The following FCER2 variants were observed in gnomAD, a reference collection of about 807,000 sequenced individuals.
FCER2 encodes low affinity immunoglobulin epsilon Fc receptor.
A neutral mutation model predicts 49.7 loss-of-function variants in FCER2; 38 were observed. That is an observed-to-expected ratio of 0.76 (90% CI 0.59 to 1.00). FCER2 has a LOEUF of 1.00. FCER2 is among the 50% of genes least tolerant of loss of function. The probability of loss-of-function intolerance (pLI) is 0.00; values close to 1 mark genes in which losing one functional copy is unlikely to be tolerated. For missense variants in FCER2, 425 were observed against 419.5 expected (o/e 1.01, Z -0.11); for synonymous variants, 163 against 164.6 (o/e 0.99, Z 0.07).
Position 7,696,898 on chromosome 19 carries a change from G to A in FCER2, c.396C>T (p.Asn132=), listed in dbSNP as rs780944986. 15 of 1,582,866 alleles carry A rather than the reference G, an allele frequency of 9.5e-6. No individual in the cohort carries two copies. The South Asian group carries it at 1.0e-4, about 11-fold the overall frequency. The change falls in exon 8 of 11, where the codon AAC becomes AAT. Residue 132 remains asparagine (N), a synonymous_variant. Transcript: ENST00000597921. ...SFKSQELNER[N]EASDLLERLR... is the part of the protein sequence containing the mutation. ...GTCTTTCCAGCAAATCTGAAGCTTC[G>A]TTCCTCTCGTTCAATTCTTGGGGAG...
intron 8 of FCER2, among the ~76,000 whole-genome samples, chr19:7,693,774 A>T (rs2032943920): frequency 6.6e-6 from 1 of 151,808 alleles, no homozygotes; most frequent in East Asian, 2.0e-4. Context: ...TTAGCCTCCC[A>T]AGTAGCTGGG....
Position 7,698,733 on chromosome 19 carries a change from G to A in FCER2, c.136+8C>T. On this transcript the variant is annotated splice_region_variant and intron_variant, in intron 3 of 10. Transcript: ENST00000597921. Reference sequence around the variant, plus strand: ...GGGGGGACCACATGGAGCTGGGGGTGTCCTCACGCCACAGGAGAAGCAGAG... The same window carrying A: ...GGGGGGACCACATGGAGCTGGGGGTATCCTCACGCCACAGGAGAAGCAGAG... 1 of 1,611,114 alleles carries A rather than the reference G, an allele frequency of 6.2e-7. No homozygotes were observed. Among genetic ancestry groups the A allele is most frequent in the Non-Finnish European group, 8.5e-7 (1 of 1,179,016 alleles).
chr19:7,690,234 C>A lies in FCER2; in HGVS notation c.653G>T (p.Gly218Val). ...DFLTKHASHT[G>V]SWIGLRNLDL... ...CAAGTTCCGAAGGCCAATCCAGGAG[C>A]CGGTGTGGCTGGCATGCTTGGTCAG... is the stretch of plus-strand genomic sequence containing the variant. The change falls in exon 10 of 11, where the codon GGC (glycine) becomes GTC (valine). Residue 218 changes from glycine (G) to valine (V), a missense_variant. Physicochemically the swap from Gly to Val is moderately radical, Grantham distance 109 (BLOSUM62 -3). Transcript: ENST00000597921. The A allele has an allele frequency of 1.9e-6, 3 of 1,614,020 alleles. No individual in the cohort carries two copies. Among genetic ancestry groups the A allele is most frequent in the Non-Finnish European group, 2.5e-6 (3 of 1,179,908 alleles).
chr19:7,698,656 C>T (rs1364487222), intron 3 of FCER2, 85 bp downstream of exon 3: 2 of 1,543,624 alleles, frequency 1.3e-6, no homozygotes, highest in Non-Finnish European at 1.7e-6. Context: ...GTTGGGCTCC[C>T]CCAGCTCTGA....
intron 8 of FCER2, among the ~76,000 whole-genome samples, chr19:7,693,963 T>G (rs1256212872): frequency 2.4e-5 from 2 of 83,198 alleles, no homozygotes; most frequent in Non-Finnish European, 4.8e-5. Flanking sequence ...ATTTTTTTTT[T>G]TTTTTTTTTA....
intron 8 of FCER2, among the ~76,000 whole-genome samples, chr19:7,694,759 A>G (rs369703585): frequency 6.6e-6 from 1 of 152,122 alleles, no homozygotes; most frequent in Non-Finnish European, 1.5e-5. Context: ...CCCAGAGGTC[A>G]AAGACCAAAA....
intron 8 of FCER2, among the ~76,000 whole-genome samples, chr19:7,696,401 A>G (rs2033012214): frequency 6.6e-6 from 1 of 151,962 alleles, no homozygotes; most frequent in South Asian, 2.1e-4. Flanking sequence ...GCGTCCAGCT[A>G]ATTTTTGTAT....
Position 7,698,429 on chromosome 19 carries a change from A to G in FCER2, c.137-20T>C, listed in dbSNP as rs781139282. On this transcript the variant is annotated intron_variant, in intron 3 of 10. Transcript: ENST00000597921. ...CCCAGTCTGGGGAGGGGGAGAGAAG[A>G]GGAGTGGAGAGGGGGGATTGTCAGT... 1 of 1,588,388 alleles carries G rather than the reference A, an allele frequency of 6.3e-7. No individual in the cohort carries two copies. The highest frequency in any genetic ancestry group is 1.3e-5 in the African/African-American group (1 of 74,304).
chr19:7,701,595 C>T (rs1385358398), intron 1 of FCER2, among the ~76,000 whole-genome samples: 7 of 151,950 alleles, frequency 4.6e-5, no homozygotes, highest in African/African-American at 1.7e-4. Context: ...ACCCGGGACC[C>T]TTGAGCTGGG....
chr19:7,701,037 T>C (rs1045857297), intron 1 of FCER2, among the ~76,000 whole-genome samples: 1 of 151,856 alleles, frequency 6.6e-6, no homozygotes, highest in Non-Finnish European at 1.5e-5. Context: ...CTCGAACTCC[T>C]GACCACAGGT....
intron 1 of FCER2, among the ~76,000 whole-genome samples, chr19:7,701,611 A>G (rs534630892): frequency 2.2e-4 from 33 of 152,050 alleles, no homozygotes; most frequent in African/African-American, 7.2e-4. Flanking sequence ...CTGGGAGCCC[A>G]TTTGCTCAAT....
chr19:7,692,158 G>C (rs113745907), intron 8 of FCER2, among the ~76,000 whole-genome samples: 3 of 83,796 alleles, frequency 3.6e-5, no homozygotes, highest in African/African-American at 1.3e-4. Context: ...AACACCATCA[G>C]CACGAATACA....
In FCER2 at chr19:7,689,077, A is replaced by G. The variant is rs2032780172; in HGVS notation, c.*116T>C. The G allele has an allele frequency of 1.4e-6, 1 of 709,954 alleles. No homozygotes were observed. 44.0% of individuals were successfully genotyped at this position (709,954 alleles called of 1,614,324 possible). A position where few individuals can be genotyped will look rare whatever the true frequency, so the allele number is the denominator to read the frequency against. On this transcript the variant is annotated 3_prime_UTR_variant, in exon 11 of 11. Coordinates refer to ENST00000597921, the MANE Select transcript of FCER2 (RefSeq NM_001220500.2). ...GCCATAGAGGAGCGGGAGATGTGTC[A>G]GCTGCCTCCGTTTGGGTGGCAGAAA...
At chr19:7,699,971 T>G in intron 1 of FCER2, 126 bp from the exon 2 acceptor site, 1 of 611,754 alleles carries the variant, frequency 1.6e-6, no homozygotes, top group Non-Finnish European at 2.9e-6. Context: ...CAATCTGGAC[T>G]CACTAGCGTG....
intron 8 of FCER2, 95 bp downstream of exon 8, chr19:7,696,730 G>T: frequency 1.2e-6 from 1 of 854,686 alleles, no homozygotes; most frequent in Non-Finnish European, 1.9e-6. Context: ...TAGACATGCT[G>T]CCTCACGTCA....
At chr19:7,691,593 C>A (rs1477599225) in intron 8 of FCER2, among the ~76,000 whole-genome samples, 2 of 151,176 alleles carry the variant, frequency 1.3e-5, no homozygotes, top group Non-Finnish European at 2.9e-5. Flanking sequence ...AGCACTTTCA[C>A]CACCCTCATC....
intron 2 of FCER2, chr19:7,699,378 C>G (rs2033102509): frequency 7.4e-7 from 1 of 1,352,330 alleles, no homozygotes; most frequent in Non-Finnish European, 9.7e-7. Context: ...TGCACTCACC[C>G]TGGCTTGGAG....
intron 8 of FCER2, among the ~76,000 whole-genome samples, chr19:7,694,946 C>T (rs2032974983): frequency 6.6e-6 from 1 of 152,102 alleles, no homozygotes; most frequent in South Asian, 2.1e-4. Context: ...GTGATCCTCC[C>T]ACCTCAGCCT....
chr19:7,690,110 C>T, intron 10 of FCER2, 49 bp downstream of exon 10: 1 of 1,196,066 alleles, frequency 8.4e-7, no homozygotes, highest in East Asian at 2.3e-5. Flanking sequence ...GCTCCTCCCT[C>T]CACGGTATTT....
Sources: gnomAD v4.1 joint callset for allele counts (sites outside exome capture counted in the v4.1 genomes callset) on GRCh38, gnomAD v4.1.1 for gene constraint, MANE v1.5 for transcripts, NCBI Gene and HGNC (gene_info 2026-07-23, HGNC 2026-07-21) for gene names.